Variants in RETREG1 observed in about 807,000 individuals in gnomAD.
The protein encoded by RETREG1 is family with sequence similarity 134 member B.
In RETREG1, 44 loss-of-function variants were observed where a neutral mutation model predicts 54.8. That is an observed-to-expected ratio of 0.80 (90% CI 0.63 to 1.03). The LOEUF is 1.03. Ranked by LOEUF, RETREG1 falls within the 50% of genes least tolerant of loss-of-function variation. RETREG1 has a pLI of 0.00. For synonymous variants in RETREG1, 217 were observed against 238.5 expected (o/e 0.91, Z 0.83); for missense variants, 554 against 605.1 (o/e 0.92, Z 0.89).
At chr5:16,502,114 G>A (rs1192688717) in intron 3 of RETREG1, among the ~76,000 whole-genome samples, 3 of 151,848 alleles carry the variant, frequency 2.0e-5, no homozygotes, top group African/African-American at 4.8e-5. Context: ...CCGCCACCAC[G>A]CCTGGCTCAT....
intron 1 of RETREG1, among the ~76,000 whole-genome samples, chr5:16,607,007 C>T (rs904659960): frequency 1.3e-5 from 2 of 152,086 alleles, no homozygotes; most frequent in African/African-American, 4.8e-5. Flanking sequence ...GTGCCATTCC[C>T]TCTGCCTGGA....
chr5:16,478,790 A>T, intron 6 of RETREG1, 60 bp downstream of exon 6: 2 of 1,518,492 alleles, frequency 1.3e-6, no homozygotes, highest in Non-Finnish European at 1.8e-6. Flanking sequence ...AGAATTTCCT[A>T]AAAATAGCTC....
At chr5:16,497,022 G>T (rs1044555831) in intron 3 of RETREG1, among the ~76,000 whole-genome samples, 1 of 152,150 alleles carries the variant, frequency 6.6e-6, no homozygotes, top group Non-Finnish European at 1.5e-5. Flanking sequence ...CAGACACATG[G>T]CTATACAAAG....
At chr5:16,481,893 T>C (rs1032403331) in intron 4 of RETREG1, among the ~76,000 whole-genome samples, 1 of 152,038 alleles carries the variant, frequency 6.6e-6, no homozygotes, top group African/African-American at 2.4e-5. Context: ...TCTTAAACTG[T>C]CTTACATTTT....
At chr5:16,540,975 C>T (rs916889119) in intron 3 of RETREG1, among the ~76,000 whole-genome samples, 35 of 152,198 alleles carry the variant, frequency 2.3e-4, no homozygotes, top group African/African-American at 5.1e-4. Context: ...GTACTTATTA[C>T]GCACCAGCAC....
intron 1 of RETREG1, among the ~76,000 whole-genome samples, chr5:16,615,089 A>G (rs987830198): frequency 1.5e-4 from 23 of 152,170 alleles, no homozygotes; most frequent in African/African-American, 4.6e-4. Context: ...AAGAAATAAA[A>G]TTTAAAATTA....
chr5:16,480,527 G>A (rs563260006), intron 5 of RETREG1, among the ~76,000 whole-genome samples: 2 of 152,196 alleles, frequency 1.3e-5, no homozygotes, highest in African/African-American at 4.8e-5. Flanking sequence ...CTGCCAAACT[G>A]TTATCCAAAG....
chr5:16,513,675 G>A (rs1419236194), intron 3 of RETREG1, among the ~76,000 whole-genome samples: 2 of 152,180 alleles, frequency 1.3e-5, no homozygotes, highest in Non-Finnish European at 2.9e-5. Flanking sequence ...CTCCATGGTG[G>A]GCATTTCAAG....
At chr5:16,498,257 T>C (rs2126545041) in intron 3 of RETREG1, among the ~76,000 whole-genome samples, 1 of 152,340 alleles carries the variant, frequency 6.6e-6, no homozygotes, top group African/African-American at 2.4e-5. Context: ...GATGGGATAG[T>C]CTACTACGTA....
At chr5:16,540,266 GA>G (rs1741203126) in intron 3 of RETREG1, among the ~76,000 whole-genome samples, 1 of 152,200 alleles carries the variant, frequency 6.6e-6, no homozygotes, top group South Asian at 2.1e-4. Context: ...TGATGCAGTT[GA>G]AGGACTTGTA....
Position 16,478,924 on chromosome 5 carries a change from T to A in RETREG1, c.734A>T (p.Lys245Ile), listed in dbSNP as rs1211346227. The A allele has an allele frequency of 6.2e-7, 1 of 1,612,002 alleles. No individual in the cohort carries two copies. Among genetic ancestry groups the A allele is most frequent in the Admixed American group, 1.7e-5 (1 of 59,874 alleles). Reference protein sequence around the residue: ...CNDIGQKIYSKIKSVLLKLDF... With the variant: ...CNDIGQKIYSIIKSVLLKLDF... ...CAGTTTCAGCAGAACTGACTTAATTTTGCTGTAAATTTTTTGTCCAATATC... is the reference window on the plus strand; with the variant it reads ...CAGTTTCAGCAGAACTGACTTAATTATGCTGTAAATTTTTTGTCCAATATC... The change falls in exon 6 of 9, where the codon AAA (lysine) becomes ATA (isoleucine). Residue 245 changes from lysine to isoleucine, a missense_variant. By Grantham distance (102) the Lys-to-Ile change is moderately radical. Around this residue, in one of 4 missense-constraint regions of RETREG1, gnomAD observed 347 missense variants for 412.3 expected, o/e 0.84. Transcript: ENST00000306320.
chr5:16,505,650 G>A (rs1014229063), intron 3 of RETREG1, among the ~76,000 whole-genome samples: 1 of 152,150 alleles, frequency 6.6e-6, no homozygotes, highest in Non-Finnish European at 1.5e-5. Context: ...AGGACAGCTG[G>A]AACAGGGACC....
At chr5:16,544,659 A>G (rs1287035989) in intron 3 of RETREG1, among the ~76,000 whole-genome samples, 1 of 152,210 alleles carries the variant, frequency 6.6e-6, no homozygotes, top group Non-Finnish European at 1.5e-5. Context: ...TCCTAGAACT[A>G]TTAGTTGGAA....
intron 2 of RETREG1, among the ~76,000 whole-genome samples, chr5:16,568,673 C>T (rs1332626928): frequency 2.0e-5 from 3 of 152,096 alleles, no homozygotes; most frequent in South Asian, 2.1e-4. Flanking sequence ...ATGGTAGTTG[C>T]CAGGGGCTGG....
At chr5:16,540,592 G>A (rs1399690794) in intron 3 of RETREG1, among the ~76,000 whole-genome samples, 1 of 152,212 alleles carries the variant, frequency 6.6e-6, no homozygotes, top group East Asian at 1.9e-4. Flanking sequence ...GAGTAATTGG[G>A]AATGAACAGA....
In RETREG1 at chr5:16,599,895, C is replaced by T. The variant is rs933627262; in HGVS notation, c.320+16757G>A. Reference sequence around the variant, plus strand: ...AGCAAGCTCCAGGGTGATAACTGAGCGAGCAGCAGAAAGAGCGCTGGGAAT... The same window carrying T: ...AGCAAGCTCCAGGGTGATAACTGAGTGAGCAGCAGAAAGAGCGCTGGGAAT... On this transcript the variant is annotated intron_variant, in intron 1 of 8. Transcript: ENST00000306320. Among the ~76,000 whole-genome samples, 7 of 152,134 alleles carry T rather than the reference C, an allele frequency of 4.6e-5. No homozygotes were observed. In the East Asian group the frequency reaches 1.2e-3, roughly 25 times the overall value.
intron 1 of RETREG1, among the ~76,000 whole-genome samples, chr5:16,611,493 G>GA (rs1486425721): frequency 6.6e-6 from 1 of 152,040 alleles, no homozygotes; most frequent in Non-Finnish European, 1.5e-5. Flanking sequence ...TCAATACAGC[G>GA]ATCAGCAAGA....
chr5:16,594,022 C>G lies in RETREG1; in HGVS notation c.321-21920G>C, dbSNP rs1006972556. ...CCATGATTGGTTCTTTGGCCAACACCCACTGTTTTTCAATGTCACAGGCCC... is the reference window on the plus strand; with the variant it reads ...CCATGATTGGTTCTTTGGCCAACACGCACTGTTTTTCAATGTCACAGGCCC... On this transcript the variant is annotated intron_variant, in intron 1 of 8. Coordinates refer to ENST00000306320, the MANE Select transcript of RETREG1 (RefSeq NM_001034850.3). The surrounding 1 kb of genome is among the most constrained non-coding windows in gnomAD (Gnocchi z 4.4). Among the ~76,000 whole-genome samples the G allele has an allele frequency of 6.6e-6, 1 of 152,182 alleles. No individual in the cohort carries two copies. The highest frequency in any genetic ancestry group is 2.4e-5 in the African/African-American group (1 of 41,436).
intron 3 of RETREG1, among the ~76,000 whole-genome samples, chr5:16,528,874 C>T (rs334488): frequency 0.99 from 150,958 of 152,324 alleles, 74,807 homozygotes; most frequent in Middle Eastern, 1. Context: ...AAAGCAGCCA[C>T]AGGCAGTAAG....
Sources: allele counts gnomAD v4.1 joint callset (sites outside exome capture counted in the v4.1 genomes callset), GRCh38; gene constraint gnomAD v4.1.1; regional missense constraint gnomAD v4.1.1; non-coding constraint Gnocchi (gnomAD v3.1); transcripts MANE v1.5; gene names NCBI Gene and HGNC (gene_info 2026-07-23, HGNC 2026-07-21).